PEX7: variants seen among roughly 807,000 people sequenced by gnomAD.
The protein encoded by PEX7 is PTS2 receptor.
PEX7 carries 34 observed loss-of-function variants against 47.5 expected under a neutral mutation model. The ratio of observed to expected loss-of-function variants is 0.72; its 90% confidence interval spans 0.54 to 0.95. PEX7 has a LOEUF of 0.95. Ranked by LOEUF, PEX7 falls within the 40% of genes least tolerant of loss-of-function variation. The pLI is 0.00. For missense variants in PEX7, 394 were observed against 400.3 expected, an observed-to-expected ratio of 0.98 and a Z score of 0.13; for synonymous variants, 141 against 148.8, an observed-to-expected ratio of 0.95 and a Z score of 0.38.
At chr6:136,866,770 C>A (rs776395360) in intron 6 of PEX7, 37 bp downstream of exon 6, 2 of 1,524,016 alleles carry the variant, frequency 1.3e-6, no homozygotes, top group Non-Finnish European at 1.8e-6. Flanking sequence ...TGCTGTCCTT[C>A]CTAATGTTAA....
intron 5 of PEX7, among the ~76,000 whole-genome samples, chr6:136,854,654 T>C (rs1215148741): frequency 6.6e-6 from 1 of 152,226 alleles, no homozygotes; most frequent in Non-Finnish European, 1.5e-5. Context: ...GAATTAAAGT[T>C]CTTGTAAGGA....
At chr6:136,908,066 GC>G (rs1178413754) in intron 9 of PEX7, among the ~76,000 whole-genome samples, 1 of 152,082 alleles carries the variant, frequency 6.6e-6, no homozygotes, top group African/African-American at 2.4e-5. Flanking sequence ...TAATAGAGTT[GC>G]TCTCTGGCAT....
At chr6:136,896,742 T>G (rs1775658215) in intron 8 of PEX7, among the ~76,000 whole-genome samples, 1 of 152,244 alleles carries the variant, frequency 6.6e-6, no homozygotes, top group African/African-American at 2.4e-5. Flanking sequence ...ATTTTGAGTA[T>G]TTTTTGGAAC....
chr6:136,895,084 A>T (rs1269687819), intron 8 of PEX7, among the ~76,000 whole-genome samples: 2 of 152,122 alleles, frequency 1.3e-5, no homozygotes, highest in Non-Finnish European at 2.9e-5. Context: ...AACTTGAGAA[A>T]ACTTGGAGAA....
chr6:136,845,543 TGTA>T, intron 3 of PEX7, 69 bp from the exon 4 acceptor site: 1 of 854,804 alleles, frequency 1.2e-6, no homozygotes, highest in Non-Finnish European at 2.1e-6. Flanking sequence ...CTCATTGTTA[TGTA>T]ACAAGAGATA....
chr6:136,834,625 T>C (rs569924097), intron 3 of PEX7, among the ~76,000 whole-genome samples: 3 of 152,186 alleles, frequency 2.0e-5, no homozygotes, highest in Admixed American at 1.3e-4. Flanking sequence ...GAGCATAGAG[T>C]GTGTGTACTA....
intron 3 of PEX7, among the ~76,000 whole-genome samples, chr6:136,840,420 T>A (rs751979091): frequency 6.6e-6 from 1 of 152,132 alleles, no homozygotes; most frequent in Non-Finnish European, 1.5e-5. Flanking sequence ...CATCCCTAAG[T>A]CATGCATAGT....
At chr6:136,866,598 G>A (rs748636870) in intron 5 of PEX7, 29 bp from the exon 6 acceptor site, 4 of 1,572,198 alleles carry the variant, frequency 2.5e-6, no homozygotes, top group South Asian at 1.1e-5. Context: ...TGGTGTGATG[G>A]GAAATGATCA....
At chr6:136,855,015 G>A (rs1389718244) in intron 5 of PEX7, among the ~76,000 whole-genome samples, 1 of 151,832 alleles carries the variant, frequency 6.6e-6, no homozygotes, top group Admixed American at 6.6e-5. Context: ...TTGAACACGG[G>A]AAGTGGAGAT....
At chr6:136,838,822 T>C (rs1056451589) in intron 3 of PEX7, among the ~76,000 whole-genome samples, 1 of 151,766 alleles carries the variant, frequency 6.6e-6, no homozygotes, top group South Asian at 2.1e-4. Context: ...TGCCTGGGGG[T>C]TTATTATACT....
At chr6:136,859,912 C>A (rs1774927007) in intron 5 of PEX7, among the ~76,000 whole-genome samples, 1 of 151,858 alleles carries the variant, frequency 6.6e-6, no homozygotes, top group Non-Finnish European at 1.5e-5. Context: ...GTAATCCCAG[C>A]TACTGGGAGG....
Position 136,872,240 on chromosome 6 carries a change from G to T in PEX7, c.790G>T (p.Asp264Tyr), listed in dbSNP as rs1194479634. Reference sequence around the variant, plus strand: ...TTCTGTGCTGGCCTCTTGCTCGTATGATTTTACTGTAAGGTACAGTGGTTT... The same window carrying T: ...TTCTGTGCTGGCCTCTTGCTCGTATTATTTTACTGTAAGGTACAGTGGTTT... ...HASVLASCSY[D>Y]FTVRFWNFSK... The change falls in exon 8 of 10, where the codon GAT (aspartate) becomes TAT (tyrosine). Residue 264 changes from aspartate to tyrosine, a missense_variant. Physicochemically the swap from Asp to Tyr is radical, Grantham distance 160. Coordinates refer to ENST00000318471, the MANE Select transcript of PEX7 (RefSeq NM_000288.4). 2 of 1,605,842 alleles carry T rather than the reference G, an allele frequency of 1.2e-6. No individual in the cohort carries two copies. The highest frequency in any genetic ancestry group is 1.7e-6 in the Non-Finnish European group (2 of 1,177,224).
chr6:136,884,132 A>C (rs941394113), intron 8 of PEX7, among the ~76,000 whole-genome samples: 1 of 152,182 alleles, frequency 6.6e-6, no homozygotes, highest in African/African-American at 2.4e-5. Flanking sequence ...ACATGTATAT[A>C]TATTTGTAAT....
At chr6:136,884,260 G>A (rs1407246074) in intron 8 of PEX7, among the ~76,000 whole-genome samples, 1 of 152,136 alleles carries the variant, frequency 6.6e-6, no homozygotes, top group East Asian at 1.9e-4. Flanking sequence ...ATTTTTGGTG[G>A]ATTTTTACTC....
At chr6:136,879,593 G>A (rs1316164067) in intron 8 of PEX7, among the ~76,000 whole-genome samples, 4 of 152,024 alleles carry the variant, frequency 2.6e-5, no homozygotes, top group African/African-American at 9.7e-5. Context: ...AACCCTTGTT[G>A]CATTTCAGTT....
At chr6:136,868,500 C>G (rs929562744) in intron 6 of PEX7, among the ~76,000 whole-genome samples, 2 of 152,004 alleles carry the variant, frequency 1.3e-5, no homozygotes, top group Non-Finnish European at 2.9e-5. Context: ...TAGTTTCAAA[C>G]TCATAAATGA....
rs192923131 is a variant in PEX7 at position 136,906,091 on chromosome 6, T to C, written c.904-7367T>C. Among the ~76,000 whole-genome samples the C allele has an allele frequency of 1.0e-3, 154 of 152,270 alleles. 1 individual carries two copies. Among genetic ancestry groups the C allele is most frequent in the African/African-American group, 3.7e-3 (153 of 41,556 alleles). ...TTTCCATCATCCCATTGATTCTCCA[T>C]GTTGCCTCCAGGGAGAGGTTTCCAT... On this transcript the variant is annotated intron_variant, in intron 9 of 9. Coordinates refer to ENST00000318471, the MANE Select transcript of PEX7 (RefSeq NM_000288.4).
chr6:136,858,408 A>G (rs924093509), intron 5 of PEX7, among the ~76,000 whole-genome samples: 8 of 152,182 alleles, frequency 5.3e-5, no homozygotes, highest in African/African-American at 1.7e-4. Context: ...GCTCTAGGGT[A>G]ATTTGCTCTA....
chr6:136,909,229 A>G (rs147258530), intron 9 of PEX7, among the ~76,000 whole-genome samples: 65 of 152,348 alleles, frequency 4.3e-4, no homozygotes, highest in African/African-American at 1.4e-3. Context: ...TAGCTTTGTA[A>G]TTCTGAGGAA....
Sources: gnomAD v4.1 joint callset for allele counts (sites outside exome capture counted in the v4.1 genomes callset) on GRCh38, gnomAD v4.1.1 for gene constraint, MANE v1.5 for transcripts, NCBI Gene and HGNC (gene_info 2026-07-23, HGNC 2026-07-21) for gene names.